The following NRL variants were observed in gnomAD, a reference collection of about 807,000 sequenced individuals.
NRL encodes the protein neural retina leucine zipper.
In NRL, 16 loss-of-function variants were observed where a neutral mutation model predicts 12.5. The ratio of observed to expected loss-of-function variants is 1.28; its 90% CI spans 0.87 to 1.95. The LOEUF is 1.95. Ranked by LOEUF, NRL falls within the 30% of genes most tolerant of loss-of-function variation. NRL has a pLI of 0.00. For synonymous variants in NRL, 142 were observed against 150.9 expected, an observed-to-expected ratio of 0.94 and a Z score of 0.43; for missense variants, 314 against 325.8, an observed-to-expected ratio of 0.96 and a Z score of 0.28.
intron 1 of NRL, chr14:24,103,461 C>G (rs780079001): frequency 1.3e-5 from 19 of 1,491,734 alleles, no homozygotes; most frequent in East Asian, 2.3e-5. Flanking sequence ...GTGCCCTTCC[C>G]TACCCCAGTG....
intron 1 of NRL, among the ~76,000 whole-genome samples, chr14:24,083,444 T>A (rs1395813530): frequency 6.6e-6 from 1 of 152,202 alleles, no homozygotes; most frequent in Non-Finnish European, 1.5e-5. Context: ...AATGAATCCC[T>A]TTTGTAGGGG....
At chr14:24,087,621 C>T (rs910016159) in intron 1 of NRL, among the ~76,000 whole-genome samples, 1 of 152,214 alleles carries the variant, frequency 6.6e-6, no homozygotes, top group Non-Finnish European at 1.5e-5. Context: ...AAATCCTCAA[C>T]CTCTTCTTGG....
chr14:24,098,782 G>A, intron 1 of NRL: 1 of 980,664 alleles, frequency 1.0e-6, no homozygotes, highest in African/African-American at 1.6e-5. Flanking sequence ...GTCCTCTCTG[G>A]CAACCTAATT....
intron 1 of NRL, among the ~76,000 whole-genome samples, chr14:24,091,302 C>T (rs919134423): frequency 2.0e-5 from 3 of 152,202 alleles, no homozygotes; most frequent in African/African-American, 7.2e-5. Context: ...CGGCGTGCGC[C>T]ACCACACCAA....
rs745540656 is a variant in NRL at position 24,081,863 on chromosome 14, C to G, written c.382-295G>C. On this transcript the variant is annotated intron_variant, in intron 2 of 2. Transcript: ENST00000561028. The surrounding 1 kb of genome is among the most constrained non-coding windows in gnomAD (Gnocchi z 4.4). ...AAACCCCGGGCTCGTCTCTGGGATC[C>G]CCGGCATCCAGCTCCAGGCCCGGGT... 7 of 1,369,002 alleles carry G rather than the reference C, an allele frequency of 5.1e-6. No homozygotes were observed. In the South Asian group the frequency reaches 7.5e-5, roughly 15 times the overall value. 84.8% of individuals were successfully genotyped at this position (1,369,002 alleles called of 1,614,324 possible).
chr14:24,089,884 G>C (rs138757374), intron 1 of NRL, among the ~76,000 whole-genome samples: 6 of 152,154 alleles, frequency 3.9e-5, no homozygotes, highest in African/African-American at 1.4e-4. Context: ...AGGCAGGAAA[G>C]ATGTAGACAT....
chr14:24,082,826 AG>A lies in NRL; in HGVS notation c.22del (p.Leu8TrpfsTer11). The A allele has an allele frequency of 1.9e-6, 3 of 1,613,528 alleles. No homozygotes were observed. Among genetic ancestry groups the A allele is most frequent in the Non-Finnish European group, 2.5e-6 (3 of 1,179,604 alleles). MALPPSP[L>X]AMEYVNDFDL... ...AAAGTCATTGACATATTCCATGGCC[AG>A]GGGGCTGGGGGGCAGGGCCATTCTG... On this transcript the variant is annotated frameshift_variant, in exon 2 of 3. Transcript: ENST00000561028. LOFTEE classifies it high-confidence loss of function.
intron 1 of NRL, chr14:24,099,595 A>G (rs1312446367): frequency 6.8e-6 from 11 of 1,611,308 alleles, no homozygotes; most frequent in Non-Finnish European, 9.3e-6. Context: ...AAGAAGCGCT[A>G]TGTGGCAGCC....
chr14:24,088,152 G>A, intron 1 of NRL, among the ~76,000 whole-genome samples: 1 of 152,188 alleles, frequency 6.6e-6, no homozygotes, highest in Non-Finnish European at 1.5e-5. Context: ...CATGGGTGAG[G>A]AGTCCAACTA....
At chr14:24,114,672 G>C (rs1480180714) in intron 1 of NRL, 50 bp downstream of exon 1, 1 of 985,508 alleles carries the variant, frequency 1.0e-6, no homozygotes, top group Non-Finnish European at 1.2e-6. Context: ...GCCCTCCTTG[G>C]GTGTGCACTT....
chr14:24,098,503 C>T, intron 1 of NRL: 2 of 1,614,146 alleles, frequency 1.2e-6, no homozygotes, highest in Non-Finnish European at 1.7e-6. Flanking sequence ...TTCCATTCAG[C>T]ATGGGTCCTG....
chr14:24,098,139 A>G, intron 1 of NRL: 2 of 1,422,492 alleles, frequency 1.4e-6, no homozygotes, highest in Non-Finnish European at 1.9e-6. Context: ...GACTTGAAAA[A>G]GTGGGTCTAG....
chr14:24,114,594 C>G, intron 1 of NRL, 128 bp downstream of exon 1: 1 of 819,892 alleles, frequency 1.2e-6, no homozygotes, highest in South Asian at 5.5e-5. Context: ...GCCGTTACGC[C>G]TAGTTCGGCT....
chr14:24,097,322 G>A (rs571931497), intron 1 of NRL, among the ~76,000 whole-genome samples: 8 of 151,782 alleles, frequency 5.3e-5, no homozygotes, highest in African/African-American at 1.9e-4. Context: ...AGGCCAAGGC[G>A]GGTGGATCAC....
chr14:24,103,835 C>T, intron 1 of NRL: 3 of 1,614,148 alleles, frequency 1.9e-6, no homozygotes, highest in Non-Finnish European at 2.5e-6. Flanking sequence ...TGTTCTCCCT[C>T]CCCAAGGACT....
chr14:24,087,334 G>C (rs2036491004), intron 1 of NRL, among the ~76,000 whole-genome samples: 1 of 152,186 alleles, frequency 6.6e-6, no homozygotes, highest in African/African-American at 2.4e-5. Context: ...CAAAGAAATA[G>C]ACACATAGGC....
At chr14:24,087,513 C>T (rs1328779173) in intron 1 of NRL, among the ~76,000 whole-genome samples, 1 of 152,160 alleles carries the variant, frequency 6.6e-6, no homozygotes, top group Non-Finnish European at 1.5e-5. Flanking sequence ...GATGCTACCT[C>T]CTCTCCTCTG....
intron 1 of NRL, chr14:24,084,648 C>T (rs1223974472): frequency 1.0e-6 from 1 of 985,396 alleles, no homozygotes; most frequent in Non-Finnish European, 1.2e-6. Flanking sequence ...GGCACAGAGC[C>T]CAAAGGGCAT....
intron 1 of NRL, chr14:24,100,046 G>A: frequency 6.2e-7 from 1 of 1,613,782 alleles, no homozygotes; most frequent in Non-Finnish European, 8.5e-7. Context: ...GTTGCCCCTG[G>A]TACCTCTGCC....
Sources: allele counts gnomAD v4.1 joint callset (sites outside exome capture counted in the v4.1 genomes callset), GRCh38; gene constraint gnomAD v4.1.1; non-coding constraint Gnocchi (gnomAD v3.1); transcripts MANE v1.5; gene names NCBI Gene and HGNC (gene_info 2026-07-23, HGNC 2026-07-21).